The following DPP10 variants were observed in gnomAD, a reference collection of about 807,000 sequenced individuals.
DPP10 encodes dipeptidyl peptidase like 10.
In DPP10, 33 loss-of-function variants were observed where a neutral mutation model predicts 120.9. The ratio of observed to expected loss-of-function variants is 0.27; its 90% confidence interval spans 0.21 to 0.37. DPP10 has a LOEUF of 0.37. Ranked by LOEUF, DPP10 falls within the 10% of genes least tolerant of loss-of-function variation. The pLI is 1.00. For missense variants in DPP10, 816 were observed against 942.8 expected (o/e 0.87, Z 1.76); for synonymous variants, 337 against 326.1 (o/e 1.03, Z -0.36).
intron 5 of DPP10, among the ~76,000 whole-genome samples, chr2:115,668,682 G>T (rs12623970): frequency 6.6e-6 from 1 of 151,874 alleles, no homozygotes; most frequent in Non-Finnish European, 1.5e-5. Context: ...AGTTTCTCTC[G>T]ATGTCTCATC....
chr2:115,791,947 A>G (rs1684036845), intron 19 of DPP10, among the ~76,000 whole-genome samples: 1 of 152,344 alleles, frequency 6.6e-6, no homozygotes, highest in Non-Finnish European at 1.5e-5. Context: ...CCTGAGAGTT[A>G]TAAGTTATTT....
intron 1 of DPP10, among the ~76,000 whole-genome samples, chr2:114,574,562 C>A (rs1259669000): frequency 2.6e-5 from 4 of 152,142 alleles, no homozygotes; most frequent in Non-Finnish European, 5.9e-5. Flanking sequence ...CATAATCGCA[C>A]CTGAGGCATA....
At chr2:115,533,907 A>T (rs890478868) in intron 5 of DPP10, among the ~76,000 whole-genome samples, 1 of 152,010 alleles carries the variant, frequency 6.6e-6, no homozygotes, top group Non-Finnish European at 1.5e-5. Flanking sequence ...AAAATAAGTT[A>T]GTATCAATTT....
chr2:115,835,010 C>T (rs1387152673), intron 21 of DPP10, among the ~76,000 whole-genome samples: 4 of 151,738 alleles, frequency 2.6e-5, no homozygotes, highest in Non-Finnish European at 4.4e-5. Context: ...GGCGTGAACC[C>T]GGGGGGCGGA....
At chr2:115,083,144 C>A (rs1413854991) in intron 1 of DPP10, among the ~76,000 whole-genome samples, 1 of 152,036 alleles carries the variant, frequency 6.6e-6, no homozygotes, top group African/African-American at 2.4e-5. Context: ...GATTTTATTT[C>A]TTCTTGTTTT....
chr2:114,640,589 T>C (rs1001577653), intron 1 of DPP10, among the ~76,000 whole-genome samples: 5 of 151,742 alleles, frequency 3.3e-5, no homozygotes, highest in Admixed American at 3.3e-4. Context: ...CAGATTGTAG[T>C]GGTTATTTCC....
intron 1 of DPP10, among the ~76,000 whole-genome samples, chr2:114,896,723 T>G (rs1312876456): frequency 4.6e-5 from 7 of 152,186 alleles, no homozygotes; most frequent in African/African-American, 1.7e-4. Context: ...TGAATACCCT[T>G]TATTTCCTTC....
chr2:115,330,653 G>A (rs962567971), intron 2 of DPP10, among the ~76,000 whole-genome samples: 5 of 151,832 alleles, frequency 3.3e-5, no homozygotes, highest in African/African-American at 1.2e-4. Context: ...TTCTACATAT[G>A]GCTAGCCAGT....
rs761511878 is a variant in DPP10, at chr2:114,503,413, A to G, written c.60+60575A>G. ...AGTTTGGGAGTTTTGACTGATTATA[A>G]TTTATGTCATTTCTTTTAAAAGGTT... On this transcript the variant is annotated intron_variant, in intron 1 of 25. Transcript: ENST00000410059. 4.3e-4 allele frequency among the ~76,000 whole-genome samples: 66 copies of G among 152,156 alleles called. 1 individual carries two copies. The highest frequency in any genetic ancestry group is 9.0e-4 in the Non-Finnish European group (61 of 68,022).
At chr2:114,737,692 T>A (rs575399669) in intron 1 of DPP10, among the ~76,000 whole-genome samples, 1 of 152,256 alleles carries the variant, frequency 6.6e-6, no homozygotes, top group African/African-American at 2.4e-5. Context: ...CACAGGGCAA[T>A]GCAAAAAGCA....
In DPP10 at chr2:114,913,250, T is replaced by C. The variant is rs1327166544; in HGVS notation, c.61-395989T>C. Among the ~76,000 whole-genome samples, 3 of 152,156 alleles carry C rather than the reference T, an allele frequency of 2.0e-5. No homozygotes were observed. The East Asian group carries it at 5.8e-4, about 29-fold the overall frequency. ...CTTCCCCCATCGGCGTGCACTCGCC[T>C]GCAGCCTCCTCCTGCTGCTTTTCAA... On this transcript the variant is annotated intron_variant, in intron 1 of 25. Coordinates refer to ENST00000410059, the MANE Select transcript of DPP10 (RefSeq NM_020868.6).
At chr2:114,786,307 T>G (rs183705869) in intron 1 of DPP10, among the ~76,000 whole-genome samples, 1 of 152,340 alleles carries the variant, frequency 6.6e-6, no homozygotes, top group African/African-American at 2.4e-5. Context: ...TGCAACTTAC[T>G]TCTTTAGAAG....
intron 1 of DPP10, among the ~76,000 whole-genome samples, chr2:114,913,338 G>T (rs1402515029): frequency 6.6e-6 from 1 of 152,114 alleles, no homozygotes. Flanking sequence ...ACTTTTGCCA[G>T]CATCCCCCAT....
chr2:115,406,579 A>G (rs2068525205), intron 3 of DPP10, among the ~76,000 whole-genome samples: 1 of 152,326 alleles, frequency 6.6e-6, no homozygotes, highest in South Asian at 2.1e-4. Flanking sequence ...AAAATAGGTT[A>G]TAAGTAACTT....
chr2:114,633,381 A>G (rs1695092132), intron 1 of DPP10, among the ~76,000 whole-genome samples: 1 of 148,100 alleles, frequency 6.8e-6, no homozygotes, highest in Non-Finnish European at 1.5e-5. Flanking sequence ...CCTCTCAAGT[A>G]GCTGGGATTA....
At chr2:115,419,814 T>C (rs72840787) in intron 3 of DPP10, among the ~76,000 whole-genome samples, 1 of 152,270 alleles carries the variant, frequency 6.6e-6, no homozygotes, top group Non-Finnish European at 1.5e-5. Context: ...ATTTTAAAAA[T>C]ATCTAAAACC....
At chr2:115,626,972 G>A (rs1243409776) in intron 5 of DPP10, among the ~76,000 whole-genome samples, 2 of 152,112 alleles carry the variant, frequency 1.3e-5, no homozygotes, top group Non-Finnish European at 1.5e-5. Context: ...AGAACAAATT[G>A]GGTTATGCCA....
chr2:114,481,288 T>C (rs554139185), intron 1 of DPP10, among the ~76,000 whole-genome samples: 1 of 151,866 alleles, frequency 6.6e-6, no homozygotes, highest in African/African-American at 2.4e-5. Context: ...CAGGACTATA[T>C]ACAGATAACA....
At chr2:115,715,698 C>T (rs144010109) in intron 7 of DPP10, among the ~76,000 whole-genome samples, 2 of 152,272 alleles carry the variant, frequency 1.3e-5, no homozygotes, top group East Asian at 1.9e-4. Context: ...ATCACGTCTC[C>T]GTGCATACCC....
Sources: gnomAD v4.1 joint callset for allele counts (sites outside exome capture counted in the v4.1 genomes callset) on GRCh38, gnomAD v4.1.1 for gene constraint, MANE v1.5 for transcripts, NCBI Gene and HGNC (gene_info 2026-07-23, HGNC 2026-07-21) for gene names.